The following UIMC1 variants were observed in gnomAD, a reference collection of about 807,000 sequenced individuals.
UIMC1 encodes the protein BRCA1-A complex subunit RAP80.
UIMC1 carries 42 observed loss-of-function variants against 84.9 expected under a neutral mutation model. The observed-to-expected ratio is 0.49, with a 90% CI of 0.39 to 0.64. The LOEUF (loss-of-function observed/expected upper bound fraction) is 0.64. Among genes scored for constraint, UIMC1 ranks in the 30% least tolerant of loss-of-function variants. UIMC1 has a pLI of 0.00. For synonymous variants in UIMC1, 281 were observed against 293.0 expected (o/e 0.96, Z 0.42); for missense variants, 825 against 847.6 (o/e 0.97, Z 0.33).
chr5:176,910,808 G>C (rs1760038692), intron 11 of UIMC1, among the ~76,000 whole-genome samples: 1 of 152,076 alleles, frequency 6.6e-6, no homozygotes, highest in South Asian at 2.1e-4. Flanking sequence ...AAGAAATTCA[G>C]GGCTGGGCAC....
intron 10 of UIMC1, among the ~76,000 whole-genome samples, chr5:176,939,265 A>C (rs1451426710): frequency 6.6e-6 from 1 of 151,572 alleles, no homozygotes; most frequent in African/African-American, 2.4e-5. Flanking sequence ...TCAAAAAAAA[A>C]AAAAAAAGAA....
At chr5:176,923,535 G>C (rs908314064) in intron 10 of UIMC1, among the ~76,000 whole-genome samples, 1 of 150,830 alleles carries the variant, frequency 6.6e-6, no homozygotes, top group African/African-American at 2.4e-5. Context: ...GGGCAACACA[G>C]TGAGACTGTA....
intron 6 of UIMC1, among the ~76,000 whole-genome samples, chr5:176,966,473 AAGAC>A (rs1206303103): frequency 6.6e-6 from 1 of 152,358 alleles, no homozygotes; most frequent in Non-Finnish European, 1.5e-5. Flanking sequence ...TAACACAAGA[AAGAC>A]AGAATAACAT....
rs569505287 is a variant in UIMC1, at chr5:176,924,058, G to A, written c.1598-12669C>T. On this transcript the variant is annotated intron_variant, in intron 10 of 14. Coordinates refer to ENST00000511320, the MANE Select transcript of UIMC1 (RefSeq NM_001199298.2). ...TCTGGCCGGGCACGGTGGCTCACGCGTGTAATCCCAGCACTTTGGGGGGCC... is the reference window on the plus strand; with the variant it reads ...TCTGGCCGGGCACGGTGGCTCACGCATGTAATCCCAGCACTTTGGGGGGCC... Among the ~76,000 whole-genome samples the A allele has an allele frequency of 1.2e-3, 183 of 150,962 alleles. 1 individual carries two copies. Among genetic ancestry groups the A allele is most frequent in the Non-Finnish European group, 2.2e-3 (150 of 67,624 alleles).
intron 10 of UIMC1, among the ~76,000 whole-genome samples, chr5:176,920,051 C>T (rs1403525690): frequency 2.0e-5 from 3 of 152,054 alleles, no homozygotes; most frequent in Admixed American, 6.6e-5. Flanking sequence ...GAAGGAGTTT[C>T]GCTCTTGTTG....
In UIMC1 at chr5:176,907,187, A is replaced by G. The variant is rs200009037; in HGVS notation, c.1849-10T>C. 10 of 1,611,772 alleles carry G rather than the reference A, an allele frequency of 6.2e-6. No individual in the cohort carries two copies. Among genetic ancestry groups the G allele is most frequent in the Non-Finnish European group, 8.5e-6 (10 of 1,178,750 alleles). On this transcript the variant is annotated splice_polypyrimidine_tract_variant and intron_variant, in intron 12 of 14. Coordinates refer to ENST00000511320, the MANE Select transcript of UIMC1 (RefSeq NM_001199298.2). ...CACTGTGGCCTTTTTCCTGTAACAG[A>G]GAAAAACAGATGAAAAGGTTACTTC...
intron 10 of UIMC1, among the ~76,000 whole-genome samples, chr5:176,940,483 C>A (rs1764271726): frequency 6.6e-6 from 1 of 152,126 alleles, no homozygotes; most frequent in African/African-American, 2.4e-5. Flanking sequence ...ATACCCAATA[C>A]CAGCTGTGTA....
intron 7 of UIMC1, among the ~76,000 whole-genome samples, chr5:176,956,311 A>C (rs539725669): frequency 6.6e-6 from 1 of 152,340 alleles, no homozygotes; most frequent in South Asian, 2.1e-4. Context: ...AAGGGTGAGA[A>C]CTGTCTGTGA....
At position 176,905,297 on chromosome 5, in the gene UIMC1, T is replaced by C. The variant is rs375613274; in HGVS notation, c.2145A>G (p.Arg715=). ...CCCTAGAAATTCAGAATTTTCTCCT[T>C]CTTCCTCTGCCAGCTTTGGTCCGTG... ...SRTRTKAGRG[R]RRKF Residue 715 remains arginine, a synonymous_variant, in exon 15 of 15, where the codon AGA becomes AGG. Coordinates refer to ENST00000511320, the MANE Select transcript of UIMC1 (RefSeq NM_001199298.2). 67 of 1,613,894 alleles carry C rather than the reference T, an allele frequency of 4.2e-5. No individual in the cohort carries two copies. Among genetic ancestry groups the C allele is most frequent in the Non-Finnish European group, 5.1e-5 (60 of 1,179,902 alleles).
chr5:176,999,400 TTG>T (rs1774119543), intron 1 of UIMC1, among the ~76,000 whole-genome samples: 1 of 152,152 alleles, frequency 6.6e-6, no homozygotes, highest in Non-Finnish European at 1.5e-5. Context: ...GCATTTATCC[TTG>T]TGTTACAAAC....
At chr5:176,915,000 G>A (rs528891671) in intron 10 of UIMC1, among the ~76,000 whole-genome samples, 1 of 152,298 alleles carries the variant, frequency 6.6e-6, no homozygotes, top group South Asian at 2.1e-4. Flanking sequence ...TCCTTTAGGA[G>A]TTCTATTTTT....
chr5:176,986,396 C>T (rs1172367566), intron 1 of UIMC1, among the ~76,000 whole-genome samples: 1 of 131,898 alleles, frequency 7.6e-6, no homozygotes, highest in Non-Finnish European at 1.6e-5. Context: ...AAGTAAGGCA[C>T]ACTGGTGAGC....
chr5:177,012,787 C>T (rs1040918872), intron 1 of UIMC1, among the ~76,000 whole-genome samples: 3 of 152,008 alleles, frequency 2.0e-5, no homozygotes, highest in African/African-American at 7.2e-5. Flanking sequence ...AGTAAAAACT[C>T]ATTTGTGCCC....
At chr5:176,982,416 A>C in intron 2 of UIMC1, 53 bp downstream of exon 2, 1 of 1,573,106 alleles carries the variant, frequency 6.4e-7, no homozygotes, top group Non-Finnish European at 8.6e-7. Flanking sequence ...CCCATGGGTA[A>C]AGAAGCATAG....
chr5:176,975,580 T>C (rs1273983454), intron 2 of UIMC1, 100 bp from the exon 3 acceptor site: 5 of 1,075,298 alleles, frequency 4.6e-6, no homozygotes, highest in African/African-American at 1.6e-5. Context: ...CTCTGAGGAA[T>C]TGGTGATTGT....
chr5:176,932,969 T>C (rs916361047), intron 10 of UIMC1, among the ~76,000 whole-genome samples: 1 of 150,288 alleles, frequency 6.7e-6, no homozygotes. Context: ...TGGATTTGAA[T>C]ACTCTTTTCC....
At chr5:176,952,307 CCTTT>C (rs1357162589) in intron 8 of UIMC1, among the ~76,000 whole-genome samples, 2 of 152,148 alleles carry the variant, frequency 1.3e-5, no homozygotes, top group Non-Finnish European at 2.9e-5. Context: ...CAAAGATATG[CCTTT>C]CTTTAATATA....
intron 9 of UIMC1, among the ~76,000 whole-genome samples, chr5:176,947,954 C>T (rs1275196259): frequency 1.3e-5 from 2 of 151,852 alleles, no homozygotes; most frequent in East Asian, 1.9e-4. Context: ...GAGAAATGAA[C>T]CCAGTGAAAA....
chr5:176,917,439 G>A (rs1006941610), intron 10 of UIMC1, among the ~76,000 whole-genome samples: 3 of 152,276 alleles, frequency 2.0e-5, no homozygotes, highest in Admixed American at 6.5e-5. Flanking sequence ...GGGCTTGGTG[G>A]TGAGTGCCTG....
Sources: allele counts gnomAD v4.1 joint callset (sites outside exome capture counted in the v4.1 genomes callset), GRCh38; gene constraint gnomAD v4.1.1; transcripts MANE v1.5; gene names NCBI Gene and HGNC (gene_info 2026-07-23, HGNC 2026-07-21).